GPHN: variants seen among roughly 807,000 people sequenced by gnomAD.
The protein encoded by GPHN is gephyrin.
Under a neutral mutation model 95.5 loss-of-function variants are expected in GPHN, and 17 were observed. That is an observed-to-expected ratio of 0.18 (90% confidence interval 0.12 to 0.27). GPHN has a LOEUF of 0.27. Ranked by LOEUF, GPHN falls within the 10% of genes least tolerant of loss-of-function variation. GPHN has a pLI of 1.00. For missense variants in GPHN, 660 were observed against 978.1 expected (o/e 0.67, Z 4.34); for synonymous variants, 320 against 322.5 (o/e 0.99, Z 0.08).
At chr14:67,614,053 T>C in the GPHN span, among the ~76,000 whole-genome samples, 1 of 152,160 alleles carries the variant, frequency 6.6e-6, no homozygotes, top group African/African-American at 2.4e-5. Context: ...TCCTGGCTCC[T>C]GTTTCCTGAG....
At chr14:67,135,899 T>A (rs1329084209) in intron 17 of GPHN, among the ~76,000 whole-genome samples, 1 of 152,220 alleles carries the variant, frequency 6.6e-6, no homozygotes, top group African/African-American at 2.4e-5. Flanking sequence ...TTTTGCACAA[T>A]CCTTGGAGAT....
At chr14:67,350,466 G>T in the GPHN span, 1 of 592,910 alleles carries the variant, frequency 1.7e-6, no homozygotes, top group South Asian at 2.4e-5. Flanking sequence ...GAGTTAAGGT[G>T]ATGGGGTTAA....
At chr14:67,733,861 C>T in the GPHN span, 35 of 1,588,466 alleles carry the variant, frequency 2.2e-5, no homozygotes, top group African/African-American at 4.4e-4. Context: ...GGTGGAAGAG[C>T]TGCAGCTTTA....
chr14:67,463,504 C>T, the GPHN span, among the ~76,000 whole-genome samples: 108 of 151,762 alleles, frequency 7.1e-4, no homozygotes, highest in African/African-American at 2.3e-3. Flanking sequence ...CTGGGCGTGG[C>T]GGCACGCGCC....
chr14:67,615,944 C>T, the GPHN span: 4 of 485,310 alleles, frequency 8.2e-6, no homozygotes, highest in Non-Finnish European at 1.5e-5. Flanking sequence ...AGGAAAAATA[C>T]AGAAAGGATA....
the GPHN span, among the ~76,000 whole-genome samples, chr14:67,504,579 A>G: frequency 6.6e-6 from 1 of 152,294 alleles, no homozygotes; most frequent in South Asian, 2.1e-4. Flanking sequence ...AAGATGTTAA[A>G]TCAAAAAAAT....
At chr14:66,560,341 T>C (rs2060182148) in intron 1 of GPHN, among the ~76,000 whole-genome samples, 2 of 152,224 alleles carry the variant, frequency 1.3e-5, no homozygotes, top group Non-Finnish European at 2.9e-5. Flanking sequence ...AGTTTGGCCA[T>C]TTTCACGATA....
chr14:67,020,473 A>G (rs923016161), intron 9 of GPHN, among the ~76,000 whole-genome samples: 1 of 152,064 alleles, frequency 6.6e-6, no homozygotes, highest in East Asian at 1.9e-4. Flanking sequence ...TTTGTTCCTT[A>G]CATTTATTAT....
the GPHN span, among the ~76,000 whole-genome samples, chr14:67,322,201 AGC>A: frequency 6.6e-6 from 1 of 152,098 alleles, no homozygotes; most frequent in Non-Finnish European, 1.5e-5. Flanking sequence ...AAAAAAAATT[AGC>A]CAGGTGTGGT....
At chr14:67,482,098 G>A in the GPHN span, among the ~76,000 whole-genome samples, 7 of 152,154 alleles carry the variant, frequency 4.6e-5, no homozygotes, top group Admixed American at 4.6e-4. Flanking sequence ...GAGTCCCATC[G>A]AAGGGCCAGG....
chr14:66,716,415 G>A (rs1039286760), intron 2 of GPHN, among the ~76,000 whole-genome samples: 1 of 151,618 alleles, frequency 6.6e-6, no homozygotes, highest in Admixed American at 6.6e-5. Flanking sequence ...TCTCTGGAAG[G>A]CAGCAGATGG....
chr14:66,950,311 G>A (rs556310271), intron 8 of GPHN, among the ~76,000 whole-genome samples: 1 of 152,184 alleles, frequency 6.6e-6, no homozygotes, highest in African/African-American at 2.4e-5. Context: ...GCTCAAGGTA[G>A]ATCCTCACTA....
intron 1 of GPHN, among the ~76,000 whole-genome samples, chr14:66,593,300 TAA>T (rs529882762): frequency 1.4e-5 from 2 of 139,590 alleles, no homozygotes; most frequent in Non-Finnish European, 1.6e-5. Context: ...TTAAAGTATT[TAA>T]AAAAAAAAAA....
intron 2 of GPHN, among the ~76,000 whole-genome samples, chr14:66,707,552 A>G (rs769188154): frequency 6.6e-6 from 1 of 152,140 alleles, no homozygotes; most frequent in Non-Finnish European, 1.5e-5. Flanking sequence ...TCCTCAGCAA[A>G]CTTAACGTGG....
chr14:67,355,033 A>T, the GPHN span, among the ~76,000 whole-genome samples: 1 of 152,076 alleles, frequency 6.6e-6, no homozygotes, highest in African/African-American at 2.4e-5. Flanking sequence ...GCTGGTCTCG[A>T]ACTCCTGACC....
the GPHN span, among the ~76,000 whole-genome samples, chr14:67,212,792 A>G: frequency 3.3e-5 from 5 of 151,838 alleles, 1 homozygote; most frequent in South Asian, 1.0e-3. Flanking sequence ...ACAAAGGAAA[A>G]TGGGTGATCC....
intron 18 of GPHN, among the ~76,000 whole-genome samples, chr14:67,150,457 A>C (rs969414642): frequency 8.7e-4 from 130 of 149,840 alleles, no homozygotes; most frequent in South Asian, 3.6e-3. Context: ...AAAAAACAAA[A>C]AAAAAAAAAA....
intron 5 of GPHN, among the ~76,000 whole-genome samples, chr14:66,890,833 T>C (rs1596294301): frequency 1.3e-5 from 2 of 151,774 alleles, no homozygotes; most frequent in South Asian, 2.1e-4. Flanking sequence ...CATTTGATGA[T>C]GGGTTTTCAG....
At chr14:66,842,777 T>C in intron 4 of GPHN, 13 of 1,236,534 alleles carry the variant, frequency 1.1e-5, no homozygotes, top group Non-Finnish European at 1.5e-5. Context: ...AGTGTTTTGG[T>C]TTCTTTTATC....
Sources: allele counts gnomAD v4.1 joint callset (sites outside exome capture counted in the v4.1 genomes callset), GRCh38; gene constraint gnomAD v4.1.1; transcripts MANE v1.5; gene names NCBI Gene and HGNC (gene_info 2026-07-23, HGNC 2026-07-21).